The following ABCC4 variants were observed in gnomAD, a reference collection of about 807,000 sequenced individuals.
The protein encoded by ABCC4 is ATP-binding cassette sub-family C member 4.
A neutral mutation model predicts 168.5 loss-of-function variants in ABCC4; 102 were observed. The observed-to-expected ratio is 0.61, with a 90% CI of 0.52 to 0.71. The LOEUF is 0.71. Among genes scored for constraint, ABCC4 ranks in the 30% least tolerant of loss-of-function variants. ABCC4 has a pLI of 0.00. For missense variants in ABCC4, 1,402 were observed against 1,605.8 expected (o/e 0.87, Z 2.17); for synonymous variants, 617 against 590.7 (o/e 1.04, Z -0.65).
At chr13:95,167,407 C>A (rs548566343) in intron 14 of ABCC4, among the ~76,000 whole-genome samples, 5 of 152,182 alleles carry the variant, frequency 3.3e-5, no homozygotes, top group Middle Eastern at 3.4e-3. Flanking sequence ...ATTAGGCAAA[C>A]TCCCAGAATA....
At chr13:95,278,934 G>A (rs759886301) in intron 1 of ABCC4, among the ~76,000 whole-genome samples, 8 of 149,758 alleles carry the variant, frequency 5.3e-5, no homozygotes, top group African/African-American at 1.2e-4. Context: ...CTCAGAGACC[G>A]GAGTGGGAGA....
In ABCC4 at chr13:95,244,665, G is replaced by GAAAT. The variant is rs1432440350; in HGVS notation, c.306+2309_306+2310insATTT. ...AGAAAGAAAGAAAGAAAGAAAGAAA[G>GAAAT]AAAGAAATCATAGCAGTTCCTGGTA... On this transcript the variant is annotated intron_variant, in intron 3 of 30. Coordinates refer to ENST00000645237, the MANE Select transcript of ABCC4 (RefSeq NM_005845.5). Among the ~76,000 whole-genome samples, 81 of 82,512 alleles carry GAAAT rather than the reference G, an allele frequency of 9.8e-4. 16 individuals are homozygous for GAAAT. Among genetic ancestry groups the GAAAT allele is most frequent in the African/African-American group, 2.6e-3 (77 of 29,152 alleles). 54.1% of individuals were successfully genotyped at this position (82,512 alleles called of 152,430 possible). A position where few individuals can be genotyped will look rare whatever the true frequency, so the allele number is the denominator to read the frequency against.
At chr13:95,044,120 T>A (rs1353533141) in intron 28 of ABCC4, 146 bp downstream of exon 28, 1 of 944,078 alleles carries the variant, frequency 1.1e-6, no homozygotes, top group Non-Finnish European at 1.5e-6. Flanking sequence ...GGTTTCTTCT[T>A]TTTTTTTCAG....
chr13:95,082,288 T>C (rs1303665489), intron 21 of ABCC4, among the ~76,000 whole-genome samples: 1 of 152,252 alleles, frequency 6.6e-6, no homozygotes, highest in African/African-American at 2.4e-5. Flanking sequence ...TTAACAATGA[T>C]GAAATATGTT....
intron 1 of ABCC4, among the ~76,000 whole-genome samples, chr13:95,264,468 G>A (rs1487568911): frequency 6.6e-6 from 1 of 152,178 alleles, no homozygotes; most frequent in Non-Finnish European, 1.5e-5. Context: ...AGTGATAACA[G>A]TTACCATCAC....
chr13:95,089,186 C>A (rs2034350242), intron 20 of ABCC4, among the ~76,000 whole-genome samples: 1 of 152,016 alleles, frequency 6.6e-6, no homozygotes, highest in South Asian at 2.1e-4. Flanking sequence ...ATTCATGACA[C>A]AAAAATTTCC....
intron 1 of ABCC4, among the ~76,000 whole-genome samples, chr13:95,248,987 C>T (rs4773860): frequency 0.51 from 77,148 of 151,856 alleles, 19,825 homozygotes; most frequent in African/African-American, 0.54. Context: ...TTGCAGTGAG[C>T]TGAGATCGAT....
chr13:95,213,256 A>G (rs781603331), intron 4 of ABCC4, among the ~76,000 whole-genome samples: 29 of 152,196 alleles, frequency 1.9e-4, no homozygotes, highest in Non-Finnish European at 3.4e-4. Context: ...AGCTGTTTTC[A>G]GGCACTGGAC....
intron 19 of ABCC4, among the ~76,000 whole-genome samples, chr13:95,131,128 GAA>G (rs2035943912): frequency 6.6e-6 from 1 of 152,030 alleles, no homozygotes; most frequent in African/African-American, 2.4e-5. Context: ...TTTACTACTT[GAA>G]AAAGACTTCT....
intron 19 of ABCC4, among the ~76,000 whole-genome samples, chr13:95,135,343 T>C (rs1382778530): frequency 6.6e-6 from 1 of 152,008 alleles, no homozygotes; most frequent in Non-Finnish European, 1.5e-5. Context: ...AACTAAAGTT[T>C]TCCGTGAAAC....
chr13:95,236,608 A>G (rs1380978640), intron 3 of ABCC4, among the ~76,000 whole-genome samples: 7 of 152,108 alleles, frequency 4.6e-5, no homozygotes, highest in Non-Finnish European at 5.9e-5. Context: ...GCGCGCACAC[A>G]CACACACACA....
At chr13:95,176,470 G>A (rs907924826) in intron 13 of ABCC4, among the ~76,000 whole-genome samples, 2 of 152,078 alleles carry the variant, frequency 1.3e-5, no homozygotes, top group African/African-American at 4.8e-5. Flanking sequence ...ACTCCAGCCT[G>A]GGCAACAGAG....
chr13:95,124,177 G>A (rs1388165671), intron 19 of ABCC4, among the ~76,000 whole-genome samples: 1 of 152,142 alleles, frequency 6.6e-6, no homozygotes, highest in Non-Finnish European at 1.5e-5. Flanking sequence ...TTTAGGAGGG[G>A]CACAAGTGCA....
intron 1 of ABCC4, among the ~76,000 whole-genome samples, chr13:95,299,758 CAGA>C (rs1288518560): frequency 6.6e-6 from 1 of 152,022 alleles, no homozygotes; most frequent in African/African-American, 2.4e-5. Flanking sequence ...GGTCAAGAAA[CAGA>C]AGATCTAATA....
chr13:95,248,534 T>C (rs2040171201), intron 1 of ABCC4, among the ~76,000 whole-genome samples: 1 of 151,906 alleles, frequency 6.6e-6, no homozygotes, highest in African/African-American at 2.4e-5. Context: ...AAAATGGTCA[T>C]CCATTAGGAA....
At chr13:95,105,394 T>C (rs887906095) in intron 20 of ABCC4, among the ~76,000 whole-genome samples, 2 of 152,068 alleles carry the variant, frequency 1.3e-5, no homozygotes, top group Non-Finnish European at 2.9e-5. Context: ...GACCACTGGA[T>C]TAGTCAACAA....
At chr13:95,098,902 T>C (rs1260015460) in intron 20 of ABCC4, among the ~76,000 whole-genome samples, 1 of 152,200 alleles carries the variant, frequency 6.6e-6, no homozygotes, top group Non-Finnish European at 1.5e-5. Flanking sequence ...GTGGAGCAAC[T>C]AGAATGCTCA....
At chr13:95,139,966 T>G (rs1326961419) in intron 19 of ABCC4, among the ~76,000 whole-genome samples, 4 of 152,172 alleles carry the variant, frequency 2.6e-5, no homozygotes, top group Admixed American at 1.3e-4. Context: ...CCTCCTGATC[T>G]CTAGTTCTGG....
At chr13:95,159,520 A>C (rs2037016795) in intron 19 of ABCC4, among the ~76,000 whole-genome samples, 1 of 152,200 alleles carries the variant, frequency 6.6e-6, no homozygotes, top group South Asian at 2.1e-4. Flanking sequence ...CATGAGGAGA[A>C]GCCCACAGGT....
Sources: gnomAD v4.1 joint callset for allele counts (sites outside exome capture counted in the v4.1 genomes callset) on GRCh38, gnomAD v4.1.1 for gene constraint, MANE v1.5 for transcripts, NCBI Gene and HGNC (gene_info 2026-07-23, HGNC 2026-07-21) for gene names.